Variants in IL1RAPL2 observed in about 807,000 individuals in gnomAD.
IL1RAPL2 encodes the protein interleukin 1 receptor accessory protein like 2, also known as X-linked interleukin-1 receptor accessory protein-like 2.
IL1RAPL2 carries 3 observed loss-of-function variants against 44.1 expected under a neutral mutation model. The observed-to-expected ratio is 0.07, with a 90% confidence interval of 0.03 to 0.18. The LOEUF (loss-of-function observed/expected upper bound fraction) is 0.18, where lower values mean the gene tolerates loss of function less well. IL1RAPL2 is among the 10% of genes least tolerant of loss of function. IL1RAPL2 has a pLI of 1.00. For missense variants in IL1RAPL2, 391 were observed against 496.4 expected, an observed-to-expected ratio of 0.79 and a Z score of 2.02; for synonymous variants, 181 against 178.8, an observed-to-expected ratio of 1.01 and a Z score of -0.10.
intron 2 of IL1RAPL2, among the ~76,000 whole-genome samples, chrX:104,903,827 C>T (rs761105950): frequency 1.8e-5 from 2 of 111,457 alleles, no homozygotes; most frequent in African/African-American, 3.3e-5. Context: ...AATCCGCCAG[C>T]CTCAGCCTCC....
intron 1 of IL1RAPL2, chrX:104,647,335 C>T: frequency 4.2e-6 from 2 of 476,889 alleles, no homozygotes; most frequent in Non-Finnish European, 7.8e-6. Context: ...TGGGGATCAG[C>T]TTGGCTTCCA....
intron 2 of IL1RAPL2, among the ~76,000 whole-genome samples, chrX:105,034,140 A>G (rs1226624068): frequency 9.0e-6 from 1 of 110,984 alleles, no homozygotes; most frequent in Non-Finnish European, 1.9e-5. Context: ...TTTTTTTCAA[A>G]GTTTTTAACT....
chrX:105,151,130 G>T (rs1175762657), intron 2 of IL1RAPL2, among the ~76,000 whole-genome samples: 1 of 111,972 alleles, frequency 8.9e-6, no homozygotes, highest in Non-Finnish European at 1.9e-5. Flanking sequence ...TCGTGTCCCT[G>T]AGCATCTTTA....
chrX:105,538,287 C>T (rs927593275), intron 6 of IL1RAPL2, among the ~76,000 whole-genome samples: 1 of 109,945 alleles, frequency 9.1e-6, no homozygotes, highest in African/African-American at 3.3e-5. Context: ...CTGCCCACCT[C>T]GGCCTCCCAA....
chrX:105,208,534 G>A (rs1181946142), intron 3 of IL1RAPL2, among the ~76,000 whole-genome samples: 4 of 111,077 alleles, frequency 3.6e-5, no homozygotes, highest in African/African-American at 6.6e-5. Flanking sequence ...ATTAATATTC[G>A]ATGGGTATAG....
At chrX:104,957,819 A>T (rs1233462390) in intron 2 of IL1RAPL2, among the ~76,000 whole-genome samples, 4 of 111,805 alleles carry the variant, frequency 3.6e-5, no homozygotes, top group Non-Finnish European at 5.6e-5. Context: ...ACAGTGGCTC[A>T]TGCCTATAAT....
chrX:104,694,560 T>C (rs1360637603), intron 2 of IL1RAPL2, among the ~76,000 whole-genome samples: 1 of 111,684 alleles, frequency 9.0e-6, no homozygotes, highest in African/African-American at 3.3e-5. Flanking sequence ...GGGTAATTAA[T>C]GCAGTAAAGA....
intron 5 of IL1RAPL2, among the ~76,000 whole-genome samples, chrX:105,318,522 A>C (rs2147686074): frequency 9.0e-6 from 1 of 111,599 alleles, no homozygotes; most frequent in Admixed American, 9.5e-5. Context: ...TAGATCAATT[A>C]AAGTTGGAGG....
intron 2 of IL1RAPL2, among the ~76,000 whole-genome samples, chrX:104,821,785 G>A (rs920759232): frequency 9.0e-6 from 1 of 111,720 alleles, no homozygotes; most frequent in Non-Finnish European, 1.9e-5. Context: ...GGGTCAAATG[G>A]TATTTCTAGT....
intron 4 of IL1RAPL2, among the ~76,000 whole-genome samples, chrX:105,250,199 G>T (rs2034257911): frequency 9.0e-6 from 1 of 110,651 alleles, no homozygotes; most frequent in Non-Finnish European, 1.9e-5. Context: ...CCAAGGTGTT[G>T]TGGAGGAAAG....
chrX:104,656,561 C>G (rs1849538134), intron 1 of IL1RAPL2, among the ~76,000 whole-genome samples: 1 of 111,652 alleles, frequency 9.0e-6, no homozygotes, highest in South Asian at 3.7e-4. Flanking sequence ...GATTTCTGTT[C>G]TTTTATATTT....
intron 6 of IL1RAPL2, among the ~76,000 whole-genome samples, chrX:105,705,935 A>G (rs210434): frequency 0.2 from 21,725 of 111,115 alleles, 2,401 homozygotes; most frequent in African/African-American, 0.41. Flanking sequence ...GCCTATATGC[A>G]AGATACTTAT....
At chrX:104,852,777 A>G (rs756642965) in intron 2 of IL1RAPL2, among the ~76,000 whole-genome samples, 2 of 112,076 alleles carry the variant, frequency 1.8e-5, no homozygotes, top group South Asian at 7.5e-4. Flanking sequence ...GCTCAGTGGT[A>G]AGGAGGATGG....
intron 2 of IL1RAPL2, among the ~76,000 whole-genome samples, chrX:105,072,012 C>G (rs1338045203): frequency 8.9e-6 from 1 of 111,765 alleles, no homozygotes; most frequent in East Asian, 2.8e-4. Context: ...TAGTTTGGAT[C>G]TGTGTCCCCA....
At chrX:104,920,904 C>T (rs1924618883) in intron 2 of IL1RAPL2, among the ~76,000 whole-genome samples, 1 of 110,620 alleles carries the variant, frequency 9.0e-6, no homozygotes, top group Non-Finnish European at 1.9e-5. Context: ...TCTTTTGAGA[C>T]AAAACACTGA....
At chrX:105,251,441 A>G (rs1410152992) in intron 4 of IL1RAPL2, among the ~76,000 whole-genome samples, 4 of 111,010 alleles carry the variant, frequency 3.6e-5, no homozygotes, top group Non-Finnish European at 7.6e-5. Context: ...TTTCAAAGAC[A>G]TATTTATCCA....
At chrX:105,644,006 C>T (rs1027358559) in intron 6 of IL1RAPL2, among the ~76,000 whole-genome samples, 4 of 111,534 alleles carry the variant, frequency 3.6e-5, no homozygotes, top group Non-Finnish European at 7.5e-5. Flanking sequence ...ATTCTCATGC[C>T]TCAGCCTCCT....
intron 1 of IL1RAPL2, among the ~76,000 whole-genome samples, chrX:104,596,707 G>T (rs186349822): frequency 1.1e-3 from 120 of 111,395 alleles, no homozygotes; most frequent in African/African-American, 3.7e-3. Flanking sequence ...CTTGAACCCT[G>T]GCTCTTTCAG....
At chrX:105,179,491 A>G (rs185455790) in intron 2 of IL1RAPL2, among the ~76,000 whole-genome samples, 1 of 111,818 alleles carries the variant, frequency 8.9e-6, no homozygotes, top group Non-Finnish European at 1.9e-5. Flanking sequence ...TTGGGTTCAT[A>G]TGAGTTTTTG....
Sources: allele counts gnomAD v4.1 joint callset (sites outside exome capture counted in the v4.1 genomes callset), GRCh38; gene constraint gnomAD v4.1.1; transcripts MANE v1.5; gene names NCBI Gene and HGNC (gene_info 2026-07-23, HGNC 2026-07-21).